MSRB3: variants seen among roughly 807,000 people sequenced by gnomAD.
MSRB3 encodes the protein methionine sulfoxide reductase B3.
Under a neutral mutation model 21.0 loss-of-function variants are expected in MSRB3, and 13 were observed. That is an observed-to-expected ratio of 0.62 (90% CI 0.40 to 0.98). The LOEUF (loss-of-function observed/expected upper bound fraction) is 0.98, where lower values mean the gene tolerates loss of function less well. Ranked by LOEUF, MSRB3 falls within the 50% of genes least tolerant of loss-of-function variation. MSRB3 has a pLI of 0.00. For missense variants in MSRB3, 199 were observed against 230.3 expected, an observed-to-expected ratio of 0.86 and a Z score of 0.88; for synonymous variants, 87 against 88.6, an observed-to-expected ratio of 0.98 and a Z score of 0.10.
chr12:65,340,018 A>T (rs1309442963), intron 4 of MSRB3, among the ~76,000 whole-genome samples: 1 of 152,238 alleles, frequency 6.6e-6, no homozygotes, highest in East Asian at 1.9e-4. Flanking sequence ...AAAGTACAGG[A>T]TCAAGGGAAA....
intron 5 of MSRB3, among the ~76,000 whole-genome samples, chr12:65,409,696 A>G (rs545505094): frequency 6.6e-6 from 1 of 152,190 alleles, no homozygotes; most frequent in East Asian, 1.9e-4. Context: ...CATCTATACA[A>G]TCCTTTTTAT....
intron 1 of MSRB3, among the ~76,000 whole-genome samples, chr12:65,281,025 G>A (rs1871984640): frequency 1.3e-5 from 2 of 152,062 alleles, no homozygotes; most frequent in Non-Finnish European, 1.5e-5. Context: ...CCAGGAGTTC[G>A]AGACCGGCCT....
In MSRB3 at chr12:65,324,725, A is replaced by G. The variant is rs534754979; in HGVS notation, c.77-2101A>G. Among the ~76,000 whole-genome samples, 7 of 152,298 alleles carry G rather than the reference A, an allele frequency of 4.6e-5. No individual in the cohort carries two copies. The East Asian group carries it at 1.4e-3, about 29-fold the overall frequency. On this transcript the variant is annotated intron_variant, in intron 2 of 6. Coordinates refer to ENST00000308259, the MANE Select transcript of MSRB3 (RefSeq NM_001031679.3). ...TCTGTGCTTTAAGCTACTTTTTATGAACACTCCTTAGTAAATGACTCAAGG... is the reference window on the plus strand; with the variant it reads ...TCTGTGCTTTAAGCTACTTTTTATGGACACTCCTTAGTAAATGACTCAAGG...
intron 4 of MSRB3, among the ~76,000 whole-genome samples, chr12:65,339,288 C>A (rs1875985774): frequency 6.6e-6 from 1 of 152,116 alleles, no homozygotes; most frequent in Admixed American, 6.5e-5. Context: ...AGCATTGTCC[C>A]CACTTCTTCT....
intron 6 of MSRB3, among the ~76,000 whole-genome samples, chr12:65,459,513 A>G (rs1883229036): frequency 6.6e-6 from 1 of 152,180 alleles, no homozygotes; most frequent in Non-Finnish European, 1.5e-5. Flanking sequence ...ACAAGCACAG[A>G]GGAAAAAAAG....
intron 4 of MSRB3, among the ~76,000 whole-genome samples, chr12:65,339,714 T>C (rs554891107): frequency 1.3e-5 from 2 of 152,362 alleles, no homozygotes; most frequent in African/African-American, 4.8e-5. Flanking sequence ...ATAATGGCTA[T>C]GTTTAGCAGC....
chr12:65,373,127 G>T (rs1453292062), intron 5 of MSRB3, among the ~76,000 whole-genome samples: 1 of 152,142 alleles, frequency 6.6e-6, no homozygotes, highest in African/African-American at 2.4e-5. Flanking sequence ...CCAGGAGTTG[G>T]CTCTGTCGCC....
At position 65,422,421 on chromosome 12, in the gene MSRB3, TA is replaced by T. The variant is rs1565885126; in HGVS notation, c.293-31306del. Among the ~76,000 whole-genome samples the T allele has an allele frequency of 8.0e-3, 630 of 79,152 alleles. 8 individuals carry two copies. The highest frequency in any genetic ancestry group is 0.027 in the African/African-American group (584 of 21,430). The allele number at this position is 79,152 out of a possible 152,430, so 51.9% of individuals were successfully genotyped here. A position where few individuals can be genotyped will look rare whatever the true frequency, so the allele number is the denominator to read the frequency against. ...ATATATATATATATATATATATATA[TA>T]TATATATATTTATTTATTTATTTAT... On this transcript the variant is annotated intron_variant, in intron 5 of 6. Transcript: ENST00000308259.
chr12:65,313,502 A>G (rs1017985914), intron 2 of MSRB3, among the ~76,000 whole-genome samples: 17 of 152,074 alleles, frequency 1.1e-4, no homozygotes, highest in African/African-American at 3.9e-4. Context: ...ACATATATGC[A>G]TCTACACATG....
At chr12:65,304,591 C>T (rs1873537459) in intron 1 of MSRB3, among the ~76,000 whole-genome samples, 1 of 152,156 alleles carries the variant, frequency 6.6e-6, no homozygotes, top group African/African-American at 2.4e-5. Flanking sequence ...AAATGTCATT[C>T]ATCCATGTAG....
At position 65,451,719 on chromosome 12, in the gene MSRB3, G is replaced by C. The variant is rs190714539; in HGVS notation, c.293-2009G>C. On this transcript the variant is annotated intron_variant, in intron 5 of 6. Transcript: ENST00000308259. ...TGATTGAGCCACGTTGGACAGTGCA[G>C]TGAGAAACTAGCATTGATATTTCCT... Among the ~76,000 whole-genome samples, 10 of 152,316 alleles carry C rather than the reference G, an allele frequency of 6.6e-5. No individual in the cohort carries two copies. In the East Asian group the frequency reaches 1.9e-3, roughly 29 times the overall value.
intron 5 of MSRB3, among the ~76,000 whole-genome samples, chr12:65,387,550 T>G (rs1235734018): frequency 2.0e-5 from 3 of 152,168 alleles, no homozygotes; most frequent in Non-Finnish European, 4.4e-5. Flanking sequence ...AACTTATTTT[T>G]CTTTGGTGAG....
intron 6 of MSRB3, among the ~76,000 whole-genome samples, chr12:65,460,487 G>A (rs947286065): frequency 3.3e-5 from 5 of 152,188 alleles, no homozygotes; most frequent in Non-Finnish European, 7.3e-5. Context: ...GCAGTGGGGC[G>A]GGGATGTATG....
intron 4 of MSRB3, among the ~76,000 whole-genome samples, chr12:65,361,576 T>C (rs988633007): frequency 6.6e-6 from 1 of 152,176 alleles, no homozygotes; most frequent in African/African-American, 2.4e-5. Flanking sequence ...CTTTGAGTCA[T>C]TTTTATGTCT....
At chr12:65,368,922 C>CA in intron 4 of MSRB3, 76 bp from the exon 5 acceptor site, 1 of 445,950 alleles carries the variant, frequency 2.2e-6, no homozygotes. Flanking sequence ...CTCCCAACCA[C>CA]ACCCCCCCCC....
chr12:65,410,618 T>A (rs187665782), intron 5 of MSRB3, among the ~76,000 whole-genome samples: 1 of 152,298 alleles, frequency 6.6e-6, no homozygotes, highest in African/African-American at 2.4e-5. Flanking sequence ...CACTCCAGCC[T>A]GGGTGACAGA....
Position 65,326,790 on chromosome 12 carries a change from A to G in MSRB3, c.77-36A>G, listed in dbSNP as rs146733030. ...AAGCAATTATTTAGGATTCAAGCTAAAAAGGCTTCTTCTCCCATATCCTCT... is the reference window on the plus strand; with the variant it reads ...AAGCAATTATTTAGGATTCAAGCTAGAAAGGCTTCTTCTCCCATATCCTCT... On this transcript the variant is annotated intron_variant, in intron 2 of 6. Transcript: ENST00000308259. 956 of 1,548,596 alleles carry G rather than the reference A, an allele frequency of 6.2e-4. 5 individuals are homozygous for G. The African/African-American group carries it at 0.011, about 18-fold the overall frequency.
chr12:65,416,745 A>G (rs1396552697), intron 5 of MSRB3, among the ~76,000 whole-genome samples: 1 of 152,208 alleles, frequency 6.6e-6, no homozygotes, highest in Non-Finnish European at 1.5e-5. Flanking sequence ...CGGTACCACC[A>G]TCATATATGC....
chr12:65,451,592 C>A (rs1027133885), intron 5 of MSRB3, among the ~76,000 whole-genome samples: 2 of 152,074 alleles, frequency 1.3e-5, no homozygotes, highest in African/African-American at 4.8e-5. Flanking sequence ...CTCCCACCCC[C>A]AAAACCCTGT....
Sources: allele counts gnomAD v4.1 joint callset (sites outside exome capture counted in the v4.1 genomes callset), GRCh38; gene constraint gnomAD v4.1.1; transcripts MANE v1.5; gene names NCBI Gene and HGNC (gene_info 2026-07-23, HGNC 2026-07-21).